The following PARN variants were observed in gnomAD, a reference collection of about 807,000 sequenced individuals.
The protein encoded by PARN is poly(A)-specific ribonuclease.
PARN carries 71 observed loss-of-function variants against 102.8 expected under a neutral mutation model. The observed-to-expected ratio is 0.69, with a 90% confidence interval of 0.57 to 0.84. The LOEUF (loss-of-function observed/expected upper bound fraction) is 0.84. PARN is among the 40% of genes least tolerant of loss of function. The probability of loss-of-function intolerance (pLI) is 0.00; values close to 1 mark genes in which losing one functional copy is unlikely to be tolerated. For missense variants in PARN, 782 were observed against 760.9 expected (o/e 1.03, Z -0.33); for synonymous variants, 261 against 252.9 (o/e 1.03, Z -0.30).
At chr16:14,501,323 AT>A (rs1964579749) in intron 21 of PARN, among the ~76,000 whole-genome samples, 1 of 142,446 alleles carries the variant, frequency 7.0e-6, no homozygotes, top group Non-Finnish European at 1.5e-5. Context: ...AATAATAATA[AT>A]TAGTCTGGAG....
At chr16:14,460,756 A>G (rs1238944185) in intron 22 of PARN, among the ~76,000 whole-genome samples, 1 of 152,254 alleles carries the variant, frequency 6.6e-6, no homozygotes, top group African/African-American at 2.4e-5. Flanking sequence ...TGTCTATATA[A>G]TGATATAGAT....
chr16:14,510,467 C>T (rs1254872138), intron 21 of PARN, among the ~76,000 whole-genome samples: 1 of 152,086 alleles, frequency 6.6e-6, no homozygotes, highest in Non-Finnish European at 1.5e-5. Context: ...AGTGCCTACA[C>T]TGAACCACAA....
chr16:14,582,457 CAG>C (rs1969592826), intron 16 of PARN, among the ~76,000 whole-genome samples, 166 bp from the exon 17 acceptor site: 1 of 152,068 alleles, frequency 6.6e-6, no homozygotes, highest in South Asian at 2.1e-4. Flanking sequence ...TACAAGATAA[CAG>C]AGTCACTGAA....
chr16:14,531,900 A>ACC (rs1966354214), intron 21 of PARN, among the ~76,000 whole-genome samples: 1 of 126,510 alleles, frequency 7.9e-6, no homozygotes, highest in Non-Finnish European at 1.7e-5. Flanking sequence ...CCATTTCTTT[A>ACC]AAAAAAAAAA....
intron 22 of PARN, among the ~76,000 whole-genome samples, chr16:14,449,227 C>T (rs1277892702): frequency 1.3e-5 from 2 of 152,012 alleles, no homozygotes; most frequent in Admixed American, 6.6e-5. Context: ...CCCAACTGTA[C>T]CTAGAAATCT....
chr16:14,514,178 A>C (rs1477168248), intron 21 of PARN, among the ~76,000 whole-genome samples: 1 of 152,090 alleles, frequency 6.6e-6, no homozygotes, highest in Non-Finnish European at 1.5e-5. Context: ...ATTTAATGTA[A>C]TGTCATTAAT....
Position 14,618,976 on chromosome 16 carries a change from G to A in PARN, c.328-1326C>T, listed in dbSNP as rs529682668. Among the ~76,000 whole-genome samples, 8 of 152,098 alleles carry A rather than the reference G, an allele frequency of 5.3e-5. No homozygotes were observed. In the South Asian group the frequency reaches 1.2e-3, roughly 24 times the overall value. On this transcript the variant is annotated intron_variant, in intron 5 of 23. Coordinates refer to ENST00000437198, the MANE Select transcript of PARN (RefSeq NM_002582.4). ...TTAGGGAGGCCAAATGAGGAAGATCGCTTGAGCCCAGGAGTTAAAGACCAG... is the reference window on the plus strand; with the variant it reads ...TTAGGGAGGCCAAATGAGGAAGATCACTTGAGCCCAGGAGTTAAAGACCAG...
At chr16:14,596,734 T>A (rs953419216) in intron 12 of PARN, among the ~76,000 whole-genome samples, 1 of 151,534 alleles carries the variant, frequency 6.6e-6, no homozygotes, top group African/African-American at 2.4e-5. Context: ...AGACTGTGTC[T>A]CAAAATTAAA....
In PARN at chr16:14,552,026, T is replaced by C; in HGVS notation, c.1475A>G (p.Lys492Arg). ...FVSLSQPEQVKIAVNTSKYAE... is the reference protein window; with the variant it reads ...FVSLSQPEQVRIAVNTSKYAE... Reference sequence around the variant, plus strand: ...CAGAAATCCAAAACACTTACCAATCTTTACTTGCTCGGGCTGGCTAAGGGA... The same window carrying C: ...CAGAAATCCAAAACACTTACCAATCCTTACTTGCTCGGGCTGGCTAAGGGA... The change falls in exon 21 of 24, where the codon AAG (lysine) becomes AGG (arginine). Residue 492 changes from lysine to arginine, a missense_variant. Physicochemically the swap from Lys to Arg is conservative, Grantham distance 26. Transcript: ENST00000437198. 1 of 1,609,384 alleles carries C rather than the reference T, an allele frequency of 6.2e-7. No individual in the cohort carries two copies. Among genetic ancestry groups the C allele is most frequent in the Non-Finnish European group, 8.5e-7 (1 of 1,176,114 alleles).
chr16:14,611,360 A>C (rs926734383), intron 6 of PARN, among the ~76,000 whole-genome samples: 3 of 152,206 alleles, frequency 2.0e-5, no homozygotes, highest in African/African-American at 7.2e-5. Flanking sequence ...CCAGTGTAAG[A>C]AATGTACATT....
intron 21 of PARN, among the ~76,000 whole-genome samples, chr16:14,543,649 A>C (rs1266370442): frequency 6.6e-6 from 1 of 152,236 alleles, no homozygotes; most frequent in Non-Finnish European, 1.5e-5. Flanking sequence ...TAGATATTTA[A>C]ATTTGTAAAG....
At chr16:14,625,856 A>C (rs1019825243) in intron 5 of PARN, among the ~76,000 whole-genome samples, 5 of 152,228 alleles carry the variant, frequency 3.3e-5, no homozygotes, top group African/African-American at 4.8e-5. Flanking sequence ...GTGGGAGAGA[A>C]GATAGGATGC....
intron 21 of PARN, among the ~76,000 whole-genome samples, chr16:14,515,773 A>AT (rs888960302): frequency 1.7e-3 from 250 of 146,430 alleles, no homozygotes; most frequent in African/African-American, 4.0e-3. Flanking sequence ...CTGTGTCTTA[A>AT]TTTTTTTTTT....
chr16:14,527,792 G>A (rs1418243583), intron 21 of PARN, among the ~76,000 whole-genome samples: 7 of 152,058 alleles, frequency 4.6e-5, no homozygotes, highest in Admixed American at 4.6e-4. Context: ...TATGCTTTGG[G>A]GTCATTTTCA....
chr16:14,514,534 T>C (rs1037001266), intron 21 of PARN, among the ~76,000 whole-genome samples: 3 of 152,214 alleles, frequency 2.0e-5, no homozygotes, highest in Non-Finnish European at 4.4e-5. Flanking sequence ...TAAGAAATTC[T>C]GAACAATCAT....
chr16:14,544,914 C>A (rs1966870575), intron 21 of PARN, among the ~76,000 whole-genome samples: 1 of 152,200 alleles, frequency 6.6e-6, no homozygotes, highest in Non-Finnish European at 1.5e-5. Context: ...AGACTGGGCA[C>A]AGTGGCTCAT....
intron 21 of PARN, among the ~76,000 whole-genome samples, chr16:14,515,643 A>T (rs988399805): frequency 6.6e-6 from 1 of 152,190 alleles, no homozygotes; most frequent in Non-Finnish European, 1.5e-5. Flanking sequence ...TAATATATGA[A>T]AGAACATTAA....
At chr16:14,627,437 T>C in intron 3 of PARN, 101 bp from the exon 4 acceptor site, 1 of 739,340 alleles carries the variant, frequency 1.4e-6, no homozygotes, top group Non-Finnish European at 2.4e-6. Context: ...TCAATGAGAC[T>C]TCAGCAGAAT....
At chr16:14,482,945 ACCCT>A in intron 21 of PARN, 118 bp from the exon 22 acceptor site, 2 of 730,388 alleles carry the variant, frequency 2.7e-6, no homozygotes, top group Non-Finnish European at 4.2e-6. Context: ...CTGAGGTCTG[ACCCT>A]TGGCTCTGCC....
Sources: gnomAD v4.1 joint callset for allele counts (sites outside exome capture counted in the v4.1 genomes callset) on GRCh38, gnomAD v4.1.1 for gene constraint, MANE v1.5 for transcripts, NCBI Gene and HGNC (gene_info 2026-07-23, HGNC 2026-07-21) for gene names.